Variants in FRK observed in about 807,000 individuals in gnomAD.
The protein encoded by FRK is tyrosine-protein kinase FRK.
In FRK, 51 loss-of-function variants were observed where a neutral mutation model predicts 56.4. The observed-to-expected ratio is 0.90, with a 90% CI of 0.72 to 1.14. The LOEUF (loss-of-function observed/expected upper bound fraction) is 1.14, where lower values mean the gene tolerates loss of function less well. Among genes scored for constraint, FRK ranks in the 50% most tolerant of loss-of-function variants. The pLI is 0.00. For synonymous variants in FRK, 245 were observed against 217.9 expected (o/e 1.12, Z -1.10); for missense variants, 570 against 601.4 (o/e 0.95, Z 0.55).
intron 2 of FRK, among the ~76,000 whole-genome samples, chr6:115,972,089 C>T (rs934670302): frequency 6.6e-6 from 1 of 152,190 alleles, no homozygotes; most frequent in Non-Finnish European, 1.5e-5. Context: ...AGGATGCCTG[C>T]ACCCAATTGC....
chr6:116,075,999 C>A, the FRK span, among the ~76,000 whole-genome samples: 3 of 152,156 alleles, frequency 2.0e-5, no homozygotes, highest in African/African-American at 7.2e-5. Flanking sequence ...ACATTGACTT[C>A]TTCCTGGAAA....
At chr6:115,946,662 G>A (rs1772467436) in intron 5 of FRK, among the ~76,000 whole-genome samples, 1 of 152,152 alleles carries the variant, frequency 6.6e-6, no homozygotes, top group South Asian at 2.1e-4. Flanking sequence ...CAGTAAAAGT[G>A]GGTGAGATTG....
intron 4 of FRK, among the ~76,000 whole-genome samples, chr6:115,960,340 C>T (rs1441007881): frequency 2.0e-5 from 3 of 151,518 alleles, no homozygotes; most frequent in African/African-American, 7.3e-5. Context: ...TTCAGACCGG[C>T]TTAAAAAACG....
chr6:116,045,629 C>T (rs1219406155), intron 1 of FRK, among the ~76,000 whole-genome samples: 1 of 152,088 alleles, frequency 6.6e-6, no homozygotes, highest in Admixed American at 6.5e-5. Flanking sequence ...ATCATAAAAA[C>T]CCTAGAAGAC....
chr6:116,006,404 T>C (rs1456750287), intron 1 of FRK, among the ~76,000 whole-genome samples: 1 of 152,230 alleles, frequency 6.6e-6, no homozygotes, highest in Non-Finnish European at 1.5e-5. Flanking sequence ...AAATGTGAAA[T>C]GAGCTTTTAT....
intron 1 of FRK, among the ~76,000 whole-genome samples, chr6:116,004,397 G>C (rs963839256): frequency 6.6e-6 from 1 of 152,022 alleles, no homozygotes; most frequent in Non-Finnish European, 1.5e-5. Context: ...TAACACCTCT[G>C]AGCTGTTAGG....
chr6:116,087,147 G>A, the FRK span, among the ~76,000 whole-genome samples: 1 of 152,184 alleles, frequency 6.6e-6, no homozygotes, highest in Admixed American at 6.5e-5. Flanking sequence ...GTAGTTATCA[G>A]GTTATGTGCC....
At position 115,952,107 on chromosome 6, in the gene FRK, C is replaced by A. The variant is rs374823570; in HGVS notation, c.958+4345G>T. Among the ~76,000 whole-genome samples the A allele has an allele frequency of 1.0e-3, 153 of 151,708 alleles. 1 individual carries two copies. Among genetic ancestry groups the A allele is most frequent in the Non-Finnish European group, 1.4e-3 (92 of 67,866 alleles). ...AGCCCTTTGTCAGATGAGTAGGTTG[C>A]GAAAATTTTCTCCCATTTTGTAGGT... is the stretch of plus-strand genomic sequence containing the variant. On this transcript the variant is annotated intron_variant, in intron 5 of 7. Coordinates refer to ENST00000606080, the MANE Select transcript of FRK (RefSeq NM_002031.3).
intron 1 of FRK, among the ~76,000 whole-genome samples, chr6:116,006,258 A>G (rs1226228072): frequency 6.6e-6 from 1 of 152,220 alleles, no homozygotes; most frequent in Non-Finnish European, 1.5e-5. Flanking sequence ...GAAACCCCAA[A>G]TAATTAATAA....
chr6:115,958,769 G>GA (rs1773194455), intron 4 of FRK, among the ~76,000 whole-genome samples: 2 of 35,168 alleles, frequency 5.7e-5, no homozygotes, highest in African/African-American at 9.6e-5. Flanking sequence ...GAAAGAAAGA[G>GA]GGGGGGGAAG....
At chr6:115,984,063 T>C (rs957332127) in intron 2 of FRK, among the ~76,000 whole-genome samples, 1 of 152,166 alleles carries the variant, frequency 6.6e-6, no homozygotes, top group Non-Finnish European at 1.5e-5. Flanking sequence ...TAATTCATTT[T>C]TCAAGGCCCA....
chr6:116,026,038 T>A (rs1399094744), intron 1 of FRK, among the ~76,000 whole-genome samples: 1 of 152,142 alleles, frequency 6.6e-6, no homozygotes, highest in Non-Finnish European at 1.5e-5. Context: ...TTCAGCACCT[T>A]AATATCTCCT....
chr6:115,956,372 G>C (rs1772990495), intron 5 of FRK, 80 bp downstream of exon 5: 1 of 1,065,558 alleles, frequency 9.4e-7, no homozygotes, highest in Admixed American at 3.0e-5. Flanking sequence ...TTCGGTTACA[G>C]AAGGCTTGCT....
intron 5 of FRK, among the ~76,000 whole-genome samples, chr6:115,945,112 A>C (rs149078188): frequency 6.6e-6 from 1 of 152,096 alleles, no homozygotes; most frequent in Non-Finnish European, 1.5e-5. Context: ...CCATTCTACC[A>C]TTGATGGGCA....
intron 2 of FRK, among the ~76,000 whole-genome samples, chr6:115,992,045 A>G (rs1774632560): frequency 6.6e-6 from 1 of 151,424 alleles, no homozygotes; most frequent in South Asian, 2.1e-4. Flanking sequence ...TGCTTCTTTG[A>G]ATCTTCTCTC....
At chr6:116,005,172 T>G (rs1208676736) in intron 1 of FRK, among the ~76,000 whole-genome samples, 1 of 152,194 alleles carries the variant, frequency 6.6e-6, no homozygotes, top group Admixed American at 6.5e-5. Context: ...GGTGTTCGTT[T>G]ATCATTTCCC....
intron 1 of FRK, among the ~76,000 whole-genome samples, chr6:116,027,623 G>A (rs961630641): frequency 1.3e-4 from 20 of 151,800 alleles, no homozygotes; most frequent in African/African-American, 3.6e-4. Flanking sequence ...TAGTTAATAC[G>A]CACAAAATAG....
At chr6:115,943,476 A>G (rs1424288899) in intron 6 of FRK, among the ~76,000 whole-genome samples, 4 of 147,402 alleles carry the variant, frequency 2.7e-5, no homozygotes, top group African/African-American at 1.0e-4. Context: ...CTGGCTTCAC[A>G]TCTGGTCTTG....
intron 1 of FRK, among the ~76,000 whole-genome samples, chr6:116,055,206 A>C (rs968026372): frequency 6.6e-6 from 1 of 152,212 alleles, no homozygotes; most frequent in South Asian, 2.1e-4. Flanking sequence ...AAATCTTCAA[A>C]GAACTCTAGT....
Sources: gnomAD v4.1 joint callset for allele counts (sites outside exome capture counted in the v4.1 genomes callset) on GRCh38, gnomAD v4.1.1 for gene constraint, MANE v1.5 for transcripts, NCBI Gene and HGNC (gene_info 2026-07-23, HGNC 2026-07-21) for gene names.